Variants in RCAN1 observed in about 807,000 individuals in gnomAD.
The protein encoded by RCAN1 is calcipressin-1.
RCAN1 carries 11 observed loss-of-function variants against 22.9 expected under a neutral mutation model. The ratio of observed to expected loss-of-function variants is 0.48; its 90% CI spans 0.30 to 0.79. The LOEUF (loss-of-function observed/expected upper bound fraction) is 0.79, where lower values mean the gene tolerates loss of function less well. RCAN1 is among the 30% of genes least tolerant of loss of function. The pLI is 0.06. For missense variants in RCAN1, 291 were observed against 337.8 expected (o/e 0.86, Z 1.09); for synonymous variants, 136 against 142.3 (o/e 0.96, Z 0.32).
rs181532125 is a variant in RCAN1, at chr21:34,588,731, C to T, written c.252+26029G>A. On this transcript the variant is annotated intron_variant, in intron 1 of 3. Coordinates refer to ENST00000313806, the MANE Select transcript of RCAN1 (RefSeq NM_004414.7). ...AGGGTCCTGACGAGATATGCTCAAT[C>T]ATGTCCACAGCAGCATCCTTCAAAA... Among the ~76,000 whole-genome samples the T allele has an allele frequency of 4.6e-5, 7 of 152,358 alleles. No individual in the cohort carries two copies. In the East Asian group the frequency reaches 1.2e-3, roughly 25 times the overall value.
At chr21:34,532,464 T>C (rs1389874316) in intron 1 of RCAN1, among the ~76,000 whole-genome samples, 1 of 152,258 alleles carries the variant, frequency 6.6e-6, no homozygotes, top group Non-Finnish European at 1.5e-5. Flanking sequence ...TGACCACCTA[T>C]GTGATGACAC....
chr21:34,539,133 C>T (rs1180587724), intron 1 of RCAN1, among the ~76,000 whole-genome samples: 1 of 152,150 alleles, frequency 6.6e-6, no homozygotes, highest in Non-Finnish European at 1.5e-5. Context: ...ACTCAAATCC[C>T]GAATACTGAC....
At chr21:34,606,918 T>G (rs1988542900) in intron 1 of RCAN1, among the ~76,000 whole-genome samples, 1 of 152,212 alleles carries the variant, frequency 6.6e-6, no homozygotes, top group Non-Finnish European at 1.5e-5. Context: ...CTAATCTGTG[T>G]TTTTTGTTAT....
chr21:34,595,894 G>A (rs1176785771), intron 1 of RCAN1, among the ~76,000 whole-genome samples: 1 of 152,228 alleles, frequency 6.6e-6, no homozygotes, highest in East Asian at 1.9e-4. Flanking sequence ...AGGGGAGTCT[G>A]GGGGTCCCCC....
At chr21:34,552,084 G>T (rs1001119430) in intron 1 of RCAN1, among the ~76,000 whole-genome samples, 9 of 152,180 alleles carry the variant, frequency 5.9e-5, no homozygotes, top group African/African-American at 2.2e-4. Flanking sequence ...CTGCTGGAGG[G>T]CTGGTGTTTA....
chr21:34,537,999 G>T (rs1314510338), intron 1 of RCAN1, among the ~76,000 whole-genome samples: 1 of 152,224 alleles, frequency 6.6e-6, no homozygotes, highest in East Asian at 1.9e-4. Flanking sequence ...TCTTGATTCT[G>T]CTCAAACATA....
rs570165369 is a variant in RCAN1, at chr21:34,600,098, C to A, written c.252+14662G>T. Among the ~76,000 whole-genome samples the A allele has an allele frequency of 5.3e-5, 8 of 152,288 alleles. No homozygotes were observed. The East Asian group carries it at 1.5e-3, about 29-fold the overall frequency. ...AAGCCCCTCACTCCAATCTTCAGTC[C>A]CCTGGTACCTCCCTATGACACAGGT... On this transcript the variant is annotated intron_variant, in intron 1 of 3. Transcript: ENST00000313806.
At position 34,518,226 on chromosome 21, in the gene RCAN1, T is replaced by C. The variant is rs770425586; in HGVS notation, c.617A>G (p.Asp206Gly). The change falls in exon 4 of 4, where the codon GAC becomes GGC. Residue 206 changes from aspartate (D) to glycine (G), a missense_variant. Transcript: ENST00000313806. The surrounding 1 kb of genome is among the most constrained non-coding windows in gnomAD (Gnocchi z 4.2). Reference protein sequence around the residue: ...GEKYELHAATDTTPSVVVHVC... With the variant: ...GEKYELHAATGTTPSVVVHVC... ...ATGGACCACCACGCTGGGAGTGGTG[T>C]CAGTCGCTGCGTGCAATTCATACTT... is the stretch of plus-strand genomic sequence containing the variant. 1 of 1,614,102 alleles carries C rather than the reference T, an allele frequency of 6.2e-7. No homozygotes were observed. The highest frequency in any genetic ancestry group is 1.7e-5 in the Admixed American group (1 of 60,004).
chr21:34,599,589 A>C (rs1230369132), intron 1 of RCAN1, among the ~76,000 whole-genome samples: 2 of 152,228 alleles, frequency 1.3e-5, no homozygotes, highest in Non-Finnish European at 2.9e-5. Context: ...GATGGTACCT[A>C]TTTAAGTGTA....
chr21:34,521,944 A>G (rs916262749), intron 2 of RCAN1: 23 of 398,904 alleles, frequency 5.8e-5, no homozygotes, highest in Non-Finnish European at 1.0e-4. Flanking sequence ...GAAAATCAGC[A>G]GAGGTGACTT....
chr21:34,531,402 G>A (rs1211658965), intron 1 of RCAN1, among the ~76,000 whole-genome samples: 1 of 152,166 alleles, frequency 6.6e-6, no homozygotes, highest in Non-Finnish European at 1.5e-5. Flanking sequence ...CACCTTGGAT[G>A]TCCTCCTATG....
chr21:34,521,789 C>T (rs1984579299), intron 2 of RCAN1, 131 bp from the exon 3 acceptor site: 1 of 730,524 alleles, frequency 1.4e-6, no homozygotes. Flanking sequence ...GATTCCAGGA[C>T]CAATTGTAAG....
At chr21:34,550,496 TG>T (rs1986325883) in intron 1 of RCAN1, among the ~76,000 whole-genome samples, 1 of 152,262 alleles carries the variant, frequency 6.6e-6, no homozygotes, top group African/African-American at 2.4e-5. Context: ...AGAGGAGATT[TG>T]GACACCAGAC....
chr21:34,579,571 T>C (rs1987533248), intron 1 of RCAN1, among the ~76,000 whole-genome samples: 2 of 152,220 alleles, frequency 1.3e-5, no homozygotes, highest in Non-Finnish European at 1.5e-5. Flanking sequence ...TCTCTAGCAA[T>C]GTATGACTCA....
chr21:34,538,206 G>C (rs556979211), intron 1 of RCAN1, among the ~76,000 whole-genome samples: 3 of 152,356 alleles, frequency 2.0e-5, no homozygotes, highest in African/African-American at 7.2e-5. Context: ...TGAGGTCCAG[G>C]TGTTTTCAGA....
chr21:34,526,862 G>A, intron 1 of RCAN1: 3 of 1,469,520 alleles, frequency 2.0e-6, no homozygotes, highest in Non-Finnish European at 2.7e-6. Flanking sequence ...AAGCAGTAAG[G>A]GCCAGCCCCC....
At chr21:34,553,855 A>G (rs1160242769) in intron 1 of RCAN1, among the ~76,000 whole-genome samples, 1 of 152,202 alleles carries the variant, frequency 6.6e-6, no homozygotes, top group Admixed American at 6.5e-5. Flanking sequence ...TGAAATCGAG[A>G]AGAAACATAA....
chr21:34,584,888 C>T (rs1438364814), intron 1 of RCAN1, among the ~76,000 whole-genome samples: 1 of 152,154 alleles, frequency 6.6e-6, no homozygotes, highest in Non-Finnish European at 1.5e-5. Flanking sequence ...CGTCCTTAAT[C>T]GCTTCATGTA....
rs1987483315 is a variant in RCAN1 at position 34,578,364 on chromosome 21, G to C, written c.252+36396C>G. Among the ~76,000 whole-genome samples, 3 of 152,288 alleles carry C rather than the reference G, an allele frequency of 2.0e-5. No individual in the cohort carries two copies. In the South Asian group the frequency reaches 6.2e-4, roughly 32 times the overall value. ...ACCCATCTGTTTGATGCAGAACTAAGAACATTAGATTGAGAAACTTGAGGT... is the reference window on the plus strand; with the variant it reads ...ACCCATCTGTTTGATGCAGAACTAACAACATTAGATTGAGAAACTTGAGGT... On this transcript the variant is annotated intron_variant, in intron 1 of 3. Coordinates refer to ENST00000313806, the MANE Select transcript of RCAN1 (RefSeq NM_004414.7).
Sources: allele counts gnomAD v4.1 joint callset (sites outside exome capture counted in the v4.1 genomes callset), GRCh38; gene constraint gnomAD v4.1.1; non-coding constraint Gnocchi (gnomAD v3.1); transcripts MANE v1.5; gene names NCBI Gene and HGNC (gene_info 2026-07-23, HGNC 2026-07-21).